Variants in ROR2 observed in about 807,000 individuals in gnomAD.
ROR2 encodes the protein ROR family WNT receptor 2.
ROR2 carries 33 observed loss-of-function variants against 74.9 expected under a neutral mutation model. The observed-to-expected ratio is 0.44, with a 90% CI of 0.33 to 0.59. The LOEUF is 0.59. Ranked by LOEUF, ROR2 falls within the 20% of genes least tolerant of loss-of-function variation. The pLI, the probability that ROR2 is intolerant of heterozygous loss-of-function variation, is 0.02. For missense variants in ROR2, 1,216 were observed against 1,313.8 expected (o/e 0.93, Z 1.15); for synonymous variants, 586 against 558.7 (o/e 1.05, Z -0.69).
intron 1 of ROR2, among the ~76,000 whole-genome samples, chr9:91,839,658 G>C (rs1828724790): frequency 6.7e-6 from 1 of 150,294 alleles, no homozygotes; most frequent in African/African-American, 2.5e-5. Context: ...ATATATGTGG[G>C]GATACATGTT....
intron 1 of ROR2, among the ~76,000 whole-genome samples, chr9:91,847,395 C>T (rs1200229651): frequency 6.6e-6 from 1 of 152,168 alleles, no homozygotes; most frequent in Admixed American, 6.5e-5. Flanking sequence ...CCAGGTCCCT[C>T]GACGCCCCCT....
At chr9:91,884,356 T>C (rs905068694) in intron 1 of ROR2, among the ~76,000 whole-genome samples, 1 of 151,272 alleles carries the variant, frequency 6.6e-6, no homozygotes, top group Non-Finnish European at 1.5e-5. Context: ...GGTACCCCTG[T>C]GACAGGGAGT....
intron 1 of ROR2, among the ~76,000 whole-genome samples, chr9:91,880,411 G>C (rs1055616571): frequency 6.6e-6 from 1 of 152,198 alleles, no homozygotes; most frequent in Admixed American, 6.5e-5. Context: ...AGCATTTGTA[G>C]GTGCATCAGC....
At chr9:91,896,972 C>T (rs1830552396) in intron 1 of ROR2, among the ~76,000 whole-genome samples, 1 of 152,206 alleles carries the variant, frequency 6.6e-6, no homozygotes, top group Admixed American at 6.5e-5. Context: ...GGTAACACAG[C>T]TCATTTAAAG....
chr9:91,861,362 T>C (rs1245267033), intron 1 of ROR2, among the ~76,000 whole-genome samples: 2 of 152,206 alleles, frequency 1.3e-5, no homozygotes, highest in Non-Finnish European at 2.9e-5. Flanking sequence ...GGAGGACTCA[T>C]AGACTTCTCA....
intron 1 of ROR2, among the ~76,000 whole-genome samples, chr9:91,907,212 T>C (rs926935209): frequency 1.3e-5 from 2 of 152,176 alleles, no homozygotes; most frequent in Non-Finnish European, 2.9e-5. Flanking sequence ...GCCCCTTCTT[T>C]ACATTCTCAA....
intron 1 of ROR2, among the ~76,000 whole-genome samples, chr9:91,793,594 C>G (rs886953309): frequency 6.6e-6 from 1 of 151,916 alleles, no homozygotes; most frequent in East Asian, 1.9e-4. Context: ...AACTCTGTCT[C>G]TACTAAAAAT....
chr9:91,756,278 G>A (rs1312721434), intron 3 of ROR2, among the ~76,000 whole-genome samples, 177 bp from the exon 4 acceptor site: 1 of 152,206 alleles, frequency 6.6e-6, no homozygotes, highest in East Asian at 1.9e-4. Flanking sequence ...CCACACACAA[G>A]GGAAGGGGTG....
intron 1 of ROR2, among the ~76,000 whole-genome samples, chr9:91,782,601 A>C (rs1481454901): frequency 1.3e-5 from 2 of 148,864 alleles, no homozygotes; most frequent in East Asian, 3.9e-4. Flanking sequence ...AAAAAAAAAA[A>C]AAAAACCCTC....
chr9:91,879,484 C>T (rs192493674), intron 1 of ROR2, among the ~76,000 whole-genome samples: 1 of 150,472 alleles, frequency 6.6e-6, no homozygotes, highest in Admixed American at 6.7e-5. Context: ...TCAAAAGTCA[C>T]AAGAGTGAAA....
At chr9:91,906,247 G>A (rs548147607) in intron 1 of ROR2, among the ~76,000 whole-genome samples, 2 of 152,284 alleles carry the variant, frequency 1.3e-5, no homozygotes, top group East Asian at 3.9e-4. Flanking sequence ...CGACAGAGCA[G>A]GACTGGACAA....
At chr9:91,947,866 C>G (rs115096860) in intron 1 of ROR2, among the ~76,000 whole-genome samples, 2 of 152,268 alleles carry the variant, frequency 1.3e-5, no homozygotes, top group African/African-American at 4.8e-5. Context: ...ACACTCAAAT[C>G]TCCTGTAATC....
chr9:91,882,826 C>A (rs1830156411), intron 1 of ROR2, among the ~76,000 whole-genome samples: 1 of 152,138 alleles, frequency 6.6e-6, no homozygotes, highest in Admixed American at 6.5e-5. Context: ...ATCTGCCAGC[C>A]AAGGAGAAAG....
intron 1 of ROR2, among the ~76,000 whole-genome samples, chr9:91,842,501 G>A (rs1374111046): frequency 5.3e-5 from 8 of 152,224 alleles, no homozygotes; most frequent in African/African-American, 1.4e-4. Context: ...CACCCCGTGC[G>A]TTAGTGTCTC....
intron 1 of ROR2, among the ~76,000 whole-genome samples, chr9:91,843,009 T>A (rs1180746969): frequency 1.3e-5 from 2 of 152,216 alleles, no homozygotes; most frequent in Non-Finnish European, 2.9e-5. Flanking sequence ...TTTTCCTCTT[T>A]ACATTTACAA....
chr9:91,841,508 TAA>T (rs1396507081), intron 1 of ROR2, among the ~76,000 whole-genome samples: 2 of 152,262 alleles, frequency 1.3e-5, no homozygotes, highest in South Asian at 2.1e-4. Context: ...GTATTAATTT[TAA>T]AAGATTATTT....
At chr9:91,855,830 C>A (rs1485313032) in intron 1 of ROR2, among the ~76,000 whole-genome samples, 1 of 152,026 alleles carries the variant, frequency 6.6e-6, no homozygotes. Context: ...GGGGTCAGCA[C>A]CCCCAAGAGA....
chr9:91,942,487 G>T (rs1426538272), intron 1 of ROR2, among the ~76,000 whole-genome samples: 1 of 152,112 alleles, frequency 6.6e-6, no homozygotes. Flanking sequence ...AATCCGTACA[G>T]TTATTGCTGT....
At chr9:91,925,358 C>T (rs1406168184) in intron 1 of ROR2, among the ~76,000 whole-genome samples, 1 of 152,150 alleles carries the variant, frequency 6.6e-6, no homozygotes, top group Non-Finnish European at 1.5e-5. Context: ...ATCCCAACAG[C>T]TCAGCCCAAG....
Sources: allele counts gnomAD v4.1 joint callset (sites outside exome capture counted in the v4.1 genomes callset), GRCh38; gene constraint gnomAD v4.1.1; transcripts MANE v1.5; gene names NCBI Gene and HGNC (gene_info 2026-07-23, HGNC 2026-07-21).